PTK2: variants seen among roughly 807,000 people sequenced by gnomAD.
The protein encoded by PTK2 is focal adhesion kinase 1.
In PTK2, 45 loss-of-function variants were observed where a neutral mutation model predicts 150.1. The observed-to-expected ratio is 0.30, with a 90% CI of 0.24 to 0.38. The LOEUF (loss-of-function observed/expected upper bound fraction) is 0.38. PTK2 is among the 10% of genes least tolerant of loss of function. The pLI is 1.00. For synonymous variants in PTK2, 432 were observed against 449.2 expected (o/e 0.96, Z 0.48); for missense variants, 919 against 1,307.3 (o/e 0.70, Z 4.58).
At chr8:140,658,680 A>G (rs1563698999) in exon 32 of PTK2, 2 of 214,688 alleles carry the variant, frequency 9.3e-6, no homozygotes. Flanking sequence ...AAAAATGGAA[A>G]AAGGGGATGG....
intron 4 of PTK2, among the ~76,000 whole-genome samples, chr8:140,869,279 T>C (rs1252234095): frequency 6.6e-6 from 1 of 152,220 alleles, no homozygotes; most frequent in Admixed American, 6.5e-5. Flanking sequence ...TGGCAGCTTC[T>C]TCTTTAATTT....
At chr8:140,870,726 T>C (rs1196962491) in intron 4 of PTK2, among the ~76,000 whole-genome samples, 1 of 152,220 alleles carries the variant, frequency 6.6e-6, no homozygotes, top group African/African-American at 2.4e-5. Context: ...GCACACCTAA[T>C]TTGGATCCTA....
chr8:140,764,595 A>G, intron 14 of PTK2: 1 of 426,410 alleles, frequency 2.3e-6, no homozygotes. Flanking sequence ...TAACCAATCT[A>G]CCAACCGCAA....
chr8:140,815,256 C>A (rs540864553), intron 10 of PTK2, among the ~76,000 whole-genome samples: 1 of 151,362 alleles, frequency 6.6e-6, no homozygotes, highest in African/African-American at 2.4e-5. Flanking sequence ...ATGTTCTTTG[C>A]AGGAACATGG....
chr8:140,956,432 A>G (rs2100181245), intron 1 of PTK2, among the ~76,000 whole-genome samples: 1 of 152,250 alleles, frequency 6.6e-6, no homozygotes, highest in Non-Finnish European at 1.5e-5. Flanking sequence ...CAGTCGTATA[A>G]AAGTCTAGCA....
chr8:140,857,283 A>G (rs1320183129), intron 5 of PTK2, among the ~76,000 whole-genome samples: 2 of 152,124 alleles, frequency 1.3e-5, no homozygotes, highest in South Asian at 2.1e-4. Context: ...TGTCTTCACA[A>G]TCAAGGTCAG....
intron 22 of PTK2, 136 bp from the exon 26 acceptor site, chr8:140,717,845 A>G: frequency 3.1e-6 from 2 of 640,864 alleles, no homozygotes; most frequent in South Asian, 1.9e-5. Context: ...TACACAGGGG[A>G]AAGAAGGATC....
intron 8 of PTK2, among the ~76,000 whole-genome samples, chr8:140,824,618 TCTG>T (rs1340262063): frequency 6.6e-6 from 1 of 152,196 alleles, no homozygotes; most frequent in African/African-American, 2.4e-5. Context: ...CTAGAAAATC[TCTG>T]CTGTCTGAAA....
chr8:140,682,159 A>T (rs372795526), intron 27 of PTK2, among the ~76,000 whole-genome samples: 2 of 152,310 alleles, frequency 1.3e-5, no homozygotes, highest in East Asian at 3.9e-4. Flanking sequence ...GGCCAGGTGG[A>T]TCACTTGAAG....
chr8:140,834,180 C>G (rs1322279178), intron 7 of PTK2, among the ~76,000 whole-genome samples: 1 of 152,096 alleles, frequency 6.6e-6, no homozygotes, highest in Non-Finnish European at 1.5e-5. Context: ...CTTCAGCCAC[C>G]CTCATTCTCT....
chr8:140,735,604 G>T, intron 21 of PTK2, 149 bp from the exon 25 acceptor site: 1 of 641,592 alleles, frequency 1.6e-6, no homozygotes, highest in Non-Finnish European at 2.8e-6. Flanking sequence ...ATTAACTCTA[G>T]TATAAAATAA....
chr8:140,819,466 T>C (rs890072577), intron 8 of PTK2, among the ~76,000 whole-genome samples: 1 of 152,194 alleles, frequency 6.6e-6, no homozygotes, highest in Non-Finnish European at 1.5e-5. Context: ...ACATTATTCT[T>C]TAGAAATGAT....
intron 1 of PTK2, among the ~76,000 whole-genome samples, chr8:140,969,516 C>G (rs1030458402): frequency 1.3e-5 from 2 of 152,196 alleles, no homozygotes; most frequent in Non-Finnish European, 2.9e-5. Flanking sequence ...ATTACTTCCT[C>G]TGTCAGCTGC....
At chr8:140,878,782 T>C (rs2100147166) in intron 4 of PTK2, among the ~76,000 whole-genome samples, 1 of 151,028 alleles carries the variant, frequency 6.6e-6, no homozygotes, top group African/African-American at 2.4e-5. Flanking sequence ...TTACAAGTTA[T>C]ACCTCTCACA....
intron 27 of PTK2, among the ~76,000 whole-genome samples, chr8:140,677,023 C>T (rs2100014335): frequency 6.6e-6 from 1 of 151,228 alleles, no homozygotes; most frequent in Non-Finnish European, 1.5e-5. Flanking sequence ...GCCCAGACTT[C>T]ACCACTATGC....
intron 2 of PTK2, among the ~76,000 whole-genome samples, chr8:140,916,790 G>C (rs2100165438): frequency 6.6e-6 from 1 of 152,146 alleles, no homozygotes; most frequent in South Asian, 2.1e-4. Context: ...TAAGAATACA[G>C]GCACTGCAGT....
intron 18 of PTK2, among the ~76,000 whole-genome samples, chr8:140,745,986 C>T (rs979502695): frequency 4.2e-5 from 6 of 143,658 alleles, no homozygotes; most frequent in Non-Finnish European, 9.0e-5. Context: ...GGCGACAGAG[C>T]GAGACTCTGT....
chr8:140,921,905 T>C (rs1399956305), intron 2 of PTK2, among the ~76,000 whole-genome samples: 1 of 152,202 alleles, frequency 6.6e-6, no homozygotes, highest in Non-Finnish European at 1.5e-5. Flanking sequence ...TCTGAACACA[T>C]TCCACTTTAG....
intron 16 of PTK2, among the ~76,000 whole-genome samples, chr8:140,756,612 G>A (rs1208136657): frequency 1.3e-5 from 2 of 150,458 alleles, no homozygotes; most frequent in Admixed American, 6.6e-5. Context: ...CAGGAGAATC[G>A]CTTGAACCCG....
Sources: allele counts gnomAD v4.1 joint callset (sites outside exome capture counted in the v4.1 genomes callset), GRCh38; gene constraint gnomAD v4.1.1; transcripts MANE v1.5; gene names NCBI Gene and HGNC (gene_info 2026-07-23, HGNC 2026-07-21).